The following PIN1 variants were observed in gnomAD, a reference collection of about 807,000 sequenced individuals.
PIN1 encodes peptidylprolyl cis/trans isomerase, NIMA-interacting 1.
Under a neutral mutation model 19.9 loss-of-function variants are expected in PIN1, and 8 were observed. The ratio of observed to expected loss-of-function variants is 0.40; its 90% CI spans 0.24 to 0.72. The LOEUF (loss-of-function observed/expected upper bound fraction) is 0.72. PIN1 is among the 30% of genes least tolerant of loss of function. The pLI is 0.37. For missense variants in PIN1, 185 were observed against 226.5 expected, an observed-to-expected ratio of 0.82 and a Z score of 1.18; for synonymous variants, 86 against 90.8, an observed-to-expected ratio of 0.95 and a Z score of 0.30.
chr19:9,835,528 C>T (rs2046093688), intron 1 of PIN1, 126 bp downstream of exon 1: 4 of 684,238 alleles, frequency 5.8e-6, no homozygotes, highest in Non-Finnish European at 8.8e-6. Context: ...CCGCGTCGTC[C>T]CCGGGGTAAC....
chr19:9,848,272 C>T, intron 3 of PIN1, 132 bp downstream of exon 3: 2 of 661,950 alleles, frequency 3.0e-6, no homozygotes, highest in South Asian at 1.7e-5. Flanking sequence ...CAGCACAGCC[C>T]CTTCCTCAGG....
rs2046130631 is a variant in PIN1, at chr19:9,838,346, G to T, written c.59-90G>T. The T allele has an allele frequency of 3.9e-6, 4 of 1,033,890 alleles. No individual in the cohort carries two copies. In the East Asian group the frequency reaches 1.0e-4, roughly 27 times the overall value. The allele number at this position is 1,033,890 out of a possible 1,614,324, so 64.0% of individuals were successfully genotyped here. A position where few individuals can be genotyped will look rare whatever the true frequency, so the allele number is the denominator to read the frequency against. On this transcript the variant is annotated intron_variant, in intron 1 of 3. Transcript: ENST00000247970. This position sits in a 1 kb window ranked among gnomAD's most constrained non-coding sequence, Gnocchi z 5.8. ...TGTTGAATGAAGGCGCCCCCTGCAA[G>T]CCAGGCCCTCACCCTGGCTTCTGGC...
chr19:9,838,305 GGATACA>G lies in PIN1; in HGVS notation c.59-130_59-125del, dbSNP rs1345306340. ...GTCTGGAGAGCCTGTGGCACATGGT[GGATACA>G]CCATGGATTTGTTGAATGAAGGCGC... On this transcript the variant is annotated intron_variant, in intron 1 of 3. Transcript: ENST00000247970. The surrounding 1 kb of genome is among the most constrained non-coding windows in gnomAD (Gnocchi z 5.8). 2.7e-6 allele frequency: 2 copies of G among 741,120 alleles called. No homozygotes were observed. The highest frequency in any genetic ancestry group is 4.9e-6 in the Non-Finnish European group (2 of 410,184). 45.9% of individuals were successfully genotyped at this position (741,120 alleles called of 1,614,324 possible). A position where few individuals can be genotyped will look rare whatever the true frequency, so the allele number is the denominator to read the frequency against.
chr19:9,841,212 C>T (rs1016921242), intron 2 of PIN1, among the ~76,000 whole-genome samples: 1 of 152,184 alleles, frequency 6.6e-6, no homozygotes, highest in Non-Finnish European at 1.5e-5. Context: ...ACCCGTTAGT[C>T]TTATATGTAA....
chr19:9,840,117 G>A (rs1236699962), intron 2 of PIN1, among the ~76,000 whole-genome samples: 8 of 152,216 alleles, frequency 5.3e-5, no homozygotes, highest in South Asian at 2.1e-4. Flanking sequence ...GGCCGGGCGC[G>A]GTGGCTCACG....
At chr19:9,839,061 A>T (rs1417755497) in intron 2 of PIN1, among the ~76,000 whole-genome samples, 1 of 152,166 alleles carries the variant, frequency 6.6e-6, no homozygotes. Flanking sequence ...AGTCTGTGGG[A>T]AGTGTTGTCA....
At chr19:9,840,471 C>A (rs991823443) in intron 2 of PIN1, among the ~76,000 whole-genome samples, 1 of 152,226 alleles carries the variant, frequency 6.6e-6, no homozygotes, top group Non-Finnish European at 1.5e-5. Flanking sequence ...AGTCCCCAAA[C>A]CTGGGCTGTC....
At position 9,849,134 on chromosome 19, in the gene PIN1, A is replaced by T. The variant is rs780788929; in HGVS notation, c.427A>T (p.Thr143Ser). Reference sequence around the variant, plus strand: ...TGAAGACGCCTCGTTTGCGCTGCGGACGGGGGAGATGAGCGGGCCCGTGTT... The same window carrying T: ...TGAAGACGCCTCGTTTGCGCTGCGGTCGGGGGAGATGAGCGGGCCCGTGTT... ...PFEDASFALR[T>S]GEMSGPVFTD... The change falls in exon 4 of 4, where the codon ACG (threonine) becomes TCG (serine). Residue 143 changes from threonine (T) to serine (S), a missense_variant. By Grantham distance (58) the Thr-to-Ser change is moderately conservative (BLOSUM62 1). Transcript: ENST00000247970. 1.3e-5 allele frequency: 21 copies of T among 1,613,672 alleles called. No homozygotes were observed. In the South Asian group the frequency reaches 2.3e-4, roughly 18 times the overall value.
At chr19:9,835,665 G>C in intron 1 of PIN1, 1 of 463,694 alleles carries the variant, frequency 2.2e-6, no homozygotes, top group Non-Finnish European at 3.8e-6. Context: ...TGGCCCTGCC[G>C]GCCCGGCTGA....
At chr19:9,835,494 C>G (rs972869871) in intron 1 of PIN1, 92 bp downstream of exon 1, 11 of 873,604 alleles carry the variant, frequency 1.3e-5, no homozygotes, top group Non-Finnish European at 1.8e-5. Flanking sequence ...AGCGCTGCCT[C>G]CCTCCCATGG....
chr19:9,849,018 C>A, intron 3 of PIN1, 72 bp from the exon 4 acceptor site: 1 of 923,278 alleles, frequency 1.1e-6, no homozygotes, highest in Non-Finnish European at 1.8e-6. Flanking sequence ...GTCGCGGCTG[C>A]CACCCGCCCT....
chr19:9,841,405 A>C (rs544094818), intron 2 of PIN1, among the ~76,000 whole-genome samples: 5 of 152,278 alleles, frequency 3.3e-5, no homozygotes, highest in African/African-American at 1.2e-4. Flanking sequence ...AGGAAGCAAG[A>C]AGGATTCCTG....
rs745830137 is a variant in PIN1 at position 9,849,662 on chromosome 19, C to T, written c.*463C>T. 6 of 514,496 alleles carry T rather than the reference C, an allele frequency of 1.2e-5. No individual in the cohort carries two copies. Among genetic ancestry groups the T allele is most frequent in the Non-Finnish European group, 1.2e-5 (3 of 258,608 alleles). The allele number at this position is 514,496 out of a possible 1,614,324, so 31.9% of individuals were successfully genotyped here. On this transcript the variant is annotated 3_prime_UTR_variant, in exon 4 of 4. Coordinates refer to ENST00000247970, the MANE Select transcript of PIN1 (RefSeq NM_006221.4). ...GCAACTGTGCAGCACCCTTTCACCC[C>T]CAATTAAACCCAGAACCACTGCTCT...
chr19:9,847,986 C>G lies in PIN1; in HGVS notation c.272-44C>G, dbSNP rs199701761. On this transcript the variant is annotated intron_variant, in intron 2 of 3. Coordinates refer to ENST00000247970, the MANE Select transcript of PIN1 (RefSeq NM_006221.4). ...CTCCATCCTGTCTGGTCAGGCCCCC[C>G]CCAACCCCTGACCTGGCACTCCCAT... 2.1e-5 allele frequency: 27 copies of G among 1,291,822 alleles called. 1 individual carries two copies. The East Asian group carries it at 3.9e-4, about 19-fold the overall frequency. The allele number at this position is 1,291,822 out of a possible 1,614,324, so 80.0% of individuals were successfully genotyped here.
At position 9,838,169 on chromosome 19, in the gene PIN1, T is replaced by C; in HGVS notation, c.59-267T>C. On this transcript the variant is annotated intron_variant, in intron 1 of 3. Transcript: ENST00000247970. The surrounding 1 kb of genome is among the most constrained non-coding windows in gnomAD (Gnocchi z 5.8). ...TGGGTTATTTTCCTCCTTGAAGTTA[T>C]CAGGGATTGATACTATCCTGTGTTT... 1.9e-6 allele frequency: 1 copy of C among 530,982 alleles called. No homozygotes were observed. The highest frequency in any genetic ancestry group is 2.0e-5 in the South Asian group (1 of 49,358). The allele number at this position is 530,982 out of a possible 1,614,324, so 32.9% of individuals were successfully genotyped here. A position where few individuals can be genotyped will look rare whatever the true frequency, so the allele number is the denominator to read the frequency against.
chr19:9,848,191 G>C (rs775561444), intron 3 of PIN1, 51 bp downstream of exon 3: 4 of 1,124,376 alleles, frequency 3.6e-6, no homozygotes, highest in Non-Finnish European at 5.4e-6. Context: ...CCACCCTGAG[G>C]GGTAGAGGCC....
chr19:9,835,548 C>T (rs1406060013), intron 1 of PIN1, 146 bp downstream of exon 1: 3 of 624,128 alleles, frequency 4.8e-6, no homozygotes, highest in Non-Finnish European at 7.5e-6. Context: ...CGGCCCCGGC[C>T]CGCCCTGTTG....
intron 1 of PIN1, chr19:9,836,814 C>G: frequency 7.8e-7 from 1 of 1,286,578 alleles, no homozygotes; most frequent in East Asian, 5.6e-5. Context: ...CTGTGTGTGC[C>G]TGGAACAGAG....
intron 2 of PIN1, among the ~76,000 whole-genome samples, chr19:9,845,731 TTTTA>T (rs1170005725): frequency 1.3e-5 from 2 of 152,100 alleles, no homozygotes; most frequent in African/African-American, 2.4e-5. Flanking sequence ...AAAGTGTGGC[TTTTA>T]TTTGTTTTTA....
Sources: gnomAD v4.1 joint callset for allele counts (sites outside exome capture counted in the v4.1 genomes callset) on GRCh38, gnomAD v4.1.1 for gene constraint, Gnocchi (gnomAD v3.1) non-coding constraint, MANE v1.5 for transcripts, NCBI Gene and HGNC (gene_info 2026-07-23, HGNC 2026-07-21) for gene names.